The following STK3 variants were observed in gnomAD, a reference collection of about 807,000 sequenced individuals.
STK3 encodes the protein serine/threonine-protein kinase 3.
STK3 carries 41 observed loss-of-function variants against 58.0 expected under a neutral mutation model. The observed-to-expected ratio is 0.71, with a 90% CI of 0.55 to 0.92. STK3 has a LOEUF of 0.92. Among genes scored for constraint, STK3 ranks in the 40% least tolerant of loss-of-function variants. The pLI is 0.00. For synonymous variants in STK3, 170 were observed against 191.0 expected, an observed-to-expected ratio of 0.89 and a Z score of 0.91; for missense variants, 479 against 602.7, an observed-to-expected ratio of 0.79 and a Z score of 2.15.
intron 2 of STK3, among the ~76,000 whole-genome samples, chr8:98,377,116 G>T (rs1294005255): frequency 6.6e-6 from 1 of 152,020 alleles, no homozygotes; most frequent in East Asian, 1.9e-4. Context: ...CAACTTCTCA[G>T]TGAGGCCTAG....
intron 6 of STK3, among the ~76,000 whole-genome samples, chr8:98,678,697 G>A (rs138999511): frequency 1.2e-3 from 177 of 152,178 alleles, no homozygotes; most frequent in African/African-American, 4.0e-3. Context: ...TTCCAATTTT[G>A]GTTAAAAACC....
intron 1 of STK3, among the ~76,000 whole-genome samples, chr8:98,440,155 C>G (rs937642006): frequency 1.3e-5 from 2 of 151,956 alleles, no homozygotes; most frequent in Non-Finnish European, 2.9e-5. Flanking sequence ...CTCCTGGGGC[C>G]CTCCTGAGAG....
At chr8:98,548,197 C>G in intron 8 of STK3, 36 bp from the exon 9 acceptor site, 1 of 1,397,296 alleles carries the variant, frequency 7.2e-7, no homozygotes, top group Non-Finnish European at 9.4e-7. Flanking sequence ...GAAGACTTTT[C>G]TATGACAGCT....
At chr8:98,826,291 C>T (rs1305893632), upstream of STK3, among the ~76,000 whole-genome samples, 3 of 152,200 alleles carry the variant, frequency 2.0e-5, no homozygotes, top group African/African-American at 7.2e-5. Flanking sequence ...TTATAATTAT[C>T]GGTTATGTTT....
intron 8 of STK3, among the ~76,000 whole-genome samples, chr8:98,566,151 A>T (rs527850235): frequency 6.6e-6 from 1 of 152,310 alleles, no homozygotes; most frequent in East Asian, 1.9e-4. Context: ...AATCAAATTC[A>T]TAAGGCACTA....
At chr8:98,738,986 T>G (rs1435783602) in intron 4 of STK3, among the ~76,000 whole-genome samples, 2 of 152,232 alleles carry the variant, frequency 1.3e-5, no homozygotes, top group African/African-American at 2.4e-5. Context: ...GTCTCACTGA[T>G]TGCTAGCACA....
In STK3 at chr8:98,522,802, G is replaced by A. The variant is rs34477638; in HGVS notation, c.1317+3940C>T. On this transcript the variant is annotated intron_variant, in intron 10 of 10. Coordinates refer to ENST00000419617, the MANE Select transcript of STK3 (RefSeq NM_006281.4). ...ATATAAGTAGAATCATATAGCATTT[G>A]TCCTTTTGTGACCTGGCTTATTTCA... Among the ~76,000 whole-genome samples the A allele has an allele frequency of 3.5e-3, 538 of 152,218 alleles. 3 individuals carry two copies. Among genetic ancestry groups the A allele is most frequent in the Non-Finnish European group, 6.1e-3 (417 of 68,008 alleles).
At chr8:98,573,556 T>G (rs1361411920) in intron 8 of STK3, among the ~76,000 whole-genome samples, 1 of 152,106 alleles carries the variant, frequency 6.6e-6, no homozygotes, top group Non-Finnish European at 1.5e-5. Context: ...GAGATGTGGG[T>G]GGCAACACAG....
chr8:98,437,558 C>T (rs985926399), intron 1 of STK3: 2 of 152,202 alleles, frequency 1.3e-5, no homozygotes, highest in Middle Eastern at 3.2e-3. Flanking sequence ...TTGTCGCCTA[C>T]GTCTCCAGAC....
chr8:98,392,221 C>T (rs1249781977), upstream of STK3, among the ~76,000 whole-genome samples: 1 of 152,136 alleles, frequency 6.6e-6, no homozygotes, highest in Non-Finnish European at 1.5e-5. Flanking sequence ...TCCTATTAAT[C>T]TTTTACACTG....
chr8:98,724,179 C>T (rs1360449609), intron 4 of STK3, among the ~76,000 whole-genome samples: 2 of 152,178 alleles, frequency 1.3e-5, no homozygotes, highest in East Asian at 1.9e-4. Context: ...TCCAGGACAG[C>T]AGTTCTTAAA....
intron 1 of STK3, among the ~76,000 whole-genome samples, chr8:98,817,732 A>G (rs1037180844): frequency 1.3e-5 from 2 of 152,098 alleles, no homozygotes; most frequent in Non-Finnish European, 2.9e-5. Flanking sequence ...TTATAACTCC[A>G]AAATATCGCA....
Position 98,825,550 on chromosome 8 carries a change from G to T in STK3, c.-10C>A. 1 of 1,456,794 alleles carries T rather than the reference G, an allele frequency of 6.9e-7. No homozygotes were observed. Among genetic ancestry groups the T allele is most frequent in the Non-Finnish European group, 9.1e-7 (1 of 1,099,300 alleles). The allele number at this position is 1,456,794 out of a possible 1,614,324, so 90.2% of individuals were successfully genotyped here. A position where few individuals can be genotyped will look rare whatever the true frequency, so the allele number is the denominator to read the frequency against. ...CCGGCGGCTGCTCCATGGCGGCCGGGGACAGAGAGAGGGACCTGGTGGACG... is the reference window on the plus strand; with the variant it reads ...CCGGCGGCTGCTCCATGGCGGCCGGTGACAGAGAGAGGGACCTGGTGGACG... On this transcript the variant is annotated 5_prime_UTR_variant, in exon 1 of 11. Transcript: ENST00000419617.
chr8:98,915,432 C>CTATATATATATATATATATA lies in STK3; in HGVS notation c.-79+26926_-79+26945dup, dbSNP rs56187203. On this transcript the variant is annotated intron_variant, in intron 1 of 1. Transcript: ENST00000519420. ...GTGAGTTAATACTTAATAAACTTTC[C>CTATATATATATATATATATA]TATATATATATATATATATATATAT... 1.5e-4 allele frequency among the ~76,000 whole-genome samples: 14 copies of CTATATATATATATATATATA among 94,742 alleles called. 1 individual carries two copies. Among genetic ancestry groups the CTATATATATATATATATATA allele is most frequent in the Non-Finnish European group, 2.0e-4 (10 of 51,218 alleles). The allele number at this position is 94,742 out of a possible 152,430, so 62.2% of individuals were successfully genotyped here.
chr8:98,610,898 CAA>C (rs1019833267), intron 6 of STK3, among the ~76,000 whole-genome samples: 7 of 152,124 alleles, frequency 4.6e-5, no homozygotes, highest in African/African-American at 1.4e-4. Flanking sequence ...AACCAAAGTG[CAA>C]AGACTAAGTT....
the STK3 span, among the ~76,000 whole-genome samples, chr8:98,365,931 A>G: frequency 6.6e-6 from 1 of 152,172 alleles, no homozygotes; most frequent in South Asian, 2.1e-4. Flanking sequence ...CATATCCTCA[A>G]TTGTGGGCAT....
chr8:98,393,594 C>T (rs1817868673), intron 3 of STK3: 1 of 152,176 alleles, frequency 6.6e-6, no homozygotes, highest in Admixed American at 6.5e-5. Context: ...GCTTGGGATT[C>T]CTGCCCCAAC....
intron 6 of STK3, among the ~76,000 whole-genome samples, chr8:98,620,523 A>G (rs969758138): frequency 2.0e-5 from 3 of 150,946 alleles, no homozygotes; most frequent in Non-Finnish European, 4.4e-5. Flanking sequence ...TCAAAAAAAA[A>G]AAGAAGATGT....
chr8:98,868,493 A>C (rs1029626722), intron 3 of STK3, among the ~76,000 whole-genome samples: 1 of 152,170 alleles, frequency 6.6e-6, no homozygotes, highest in African/African-American at 2.4e-5. Flanking sequence ...GCCACAGCTC[A>C]GTTCTGCCAC....
Sources: allele counts gnomAD v4.1 joint callset (sites outside exome capture counted in the v4.1 genomes callset), GRCh38; gene constraint gnomAD v4.1.1; transcripts MANE v1.5; gene names NCBI Gene and HGNC (gene_info 2026-07-23, HGNC 2026-07-21).